USH2A: variants seen among roughly 807,000 people sequenced by gnomAD.
USH2A encodes the protein usherin, also known as Usher syndrome 2A (autosomal recessive, mild).
A neutral mutation model predicts 538.9 loss-of-function variants in USH2A; 443 were observed. That is an observed-to-expected ratio of 0.82 (90% confidence interval 0.76 to 0.89). The LOEUF (loss-of-function observed/expected upper bound fraction) is 0.89. USH2A is among the 40% of genes least tolerant of loss of function. The pLI, the probability that USH2A is intolerant of heterozygous loss-of-function variation, is 0.00. For missense variants in USH2A, 6,633 were observed against 6,324.8 expected (o/e 1.05, Z -1.65); for synonymous variants, 2,413 against 2,273.5 (o/e 1.06, Z -1.75).
intron 32 of USH2A, among the ~76,000 whole-genome samples, chr1:216,006,250 ACT>A (rs1172358549): frequency 2.0e-5 from 3 of 152,068 alleles, no homozygotes; most frequent in African/African-American, 7.2e-5. Context: ...TAAATCCTGC[ACT>A]CTCTGACCAC....
intron 42 of USH2A, 131 bp downstream of exon 42, chr1:215,878,633 T>C (rs1664832427): frequency 1.2e-6 from 1 of 855,418 alleles, no homozygotes; most frequent in Admixed American, 2.1e-5. Flanking sequence ...TGTATGAAAG[T>C]TATGAGTCAG....
chr1:215,761,142 G>T (rs1050268238), intron 56 of USH2A, among the ~76,000 whole-genome samples: 1 of 151,984 alleles, frequency 6.6e-6, no homozygotes, highest in Non-Finnish European at 1.5e-5. Flanking sequence ...TTTGAACTTC[G>T]GTTCCTTTGG....
chr1:216,397,908 C>T (rs1345242371), intron 3 of USH2A, among the ~76,000 whole-genome samples: 1 of 152,218 alleles, frequency 6.6e-6, no homozygotes, highest in Non-Finnish European at 1.5e-5. Context: ...CATTCCTTTT[C>T]ATACACACAC....
chr1:216,207,535 C>T (rs1235612073), intron 15 of USH2A, 104 bp from the exon 16 acceptor site: 9 of 1,407,422 alleles, frequency 6.4e-6, no homozygotes, highest in Middle Eastern at 2.2e-4. Context: ...TTCAGGATTG[C>T]TTTATCAAGA....
intron 38 of USH2A, among the ~76,000 whole-genome samples, chr1:215,929,547 G>GT (rs1438152261): frequency 2.0e-5 from 3 of 151,948 alleles, no homozygotes; most frequent in Admixed American, 2.0e-4. Context: ...TGAAAGACAG[G>GT]TTTTTTTACT....
chr1:215,959,931 A>C (rs2102449522), intron 37 of USH2A, among the ~76,000 whole-genome samples: 1 of 152,268 alleles, frequency 6.6e-6, no homozygotes, highest in South Asian at 2.1e-4. Flanking sequence ...AAGGATAATG[A>C]AGAATTAAAC....
chr1:215,626,399 G>T (rs2102622032), intron 71 of USH2A, among the ~76,000 whole-genome samples: 1 of 151,318 alleles, frequency 6.6e-6, no homozygotes, highest in African/African-American at 2.4e-5. Context: ...CCTGACCTCT[G>T]GTGATCTGTA....
intron 13 of USH2A, among the ~76,000 whole-genome samples, chr1:216,234,106 C>A (rs564489050): frequency 1.3e-5 from 2 of 152,262 alleles, no homozygotes; most frequent in African/African-American, 4.8e-5. Context: ...AAAAGTGAAT[C>A]TATTCTCTTA....
chr1:216,019,903 C>T (rs1044721192), intron 32 of USH2A, among the ~76,000 whole-genome samples: 1 of 152,154 alleles, frequency 6.6e-6, no homozygotes, highest in African/African-American at 2.4e-5. Flanking sequence ...TTGCAAAAAA[C>T]ACAATGCATC....
chr1:215,986,315 T>TC (rs992718183), intron 35 of USH2A, among the ~76,000 whole-genome samples: 4 of 102,688 alleles, frequency 3.9e-5, no homozygotes, highest in Admixed American at 8.9e-5. Context: ...TTTTTCTTTT[T>TC]TTTTTTTTTT....
At chr1:216,053,611 T>C (rs2030872432) in intron 30 of USH2A, among the ~76,000 whole-genome samples, 1 of 152,128 alleles carries the variant, frequency 6.6e-6, no homozygotes, top group African/African-American at 2.4e-5. Context: ...GAGGGCAAGC[T>C]GAAGAAACAT....
At chr1:216,024,568 T>G (rs1488916362) in intron 32 of USH2A, among the ~76,000 whole-genome samples, 1 of 152,048 alleles carries the variant, frequency 6.6e-6, no homozygotes, top group Non-Finnish European at 1.5e-5. Context: ...CCAGTATAGA[T>G]TTTTTCAACT....
intron 37 of USH2A, among the ~76,000 whole-genome samples, chr1:215,953,834 C>G (rs941196910): frequency 2.0e-5 from 3 of 151,758 alleles, no homozygotes; most frequent in African/African-American, 7.3e-5. Flanking sequence ...GGCTAATATC[C>G]AGAATCTACA....
At chr1:216,132,602 T>C (rs867562921) in intron 21 of USH2A, among the ~76,000 whole-genome samples, 6 of 152,118 alleles carry the variant, frequency 3.9e-5, no homozygotes, top group African/African-American at 1.4e-4. Flanking sequence ...TCAGATTGTA[T>C]TGTTAGAGCT....
Position 216,110,999 on chromosome 1 carries a change from G to T in USH2A, c.4628-13786C>A, listed in dbSNP as rs919179482. Among the ~76,000 whole-genome samples the T allele has an allele frequency of 5.3e-5, 8 of 152,300 alleles. No individual in the cohort carries two copies. In the East Asian group the frequency reaches 1.5e-3, roughly 29 times the overall value. ...CCAGCACTTTGGGAGGTCAAGGCAAGCGGATCACTTTAGGTCAGGAGTTTG... is the reference window on the plus strand; with the variant it reads ...CCAGCACTTTGGGAGGTCAAGGCAATCGGATCACTTTAGGTCAGGAGTTTG... On this transcript the variant is annotated intron_variant, in intron 21 of 71. Coordinates refer to ENST00000307340, the MANE Select transcript of USH2A (RefSeq NM_206933.4).
intron 44 of USH2A, among the ~76,000 whole-genome samples, chr1:215,862,920 G>A (rs1427121473): frequency 6.6e-6 from 1 of 152,090 alleles, no homozygotes; most frequent in Non-Finnish European, 1.5e-5. Flanking sequence ...TATTCATATG[G>A]CTGCATACAA....
At chr1:216,361,252 T>C (rs2038485949) in intron 4 of USH2A, among the ~76,000 whole-genome samples, 4 of 152,098 alleles carry the variant, frequency 2.6e-5, no homozygotes, top group African/African-American at 7.2e-5. Flanking sequence ...CCTCAAAAAA[T>C]CTATTCCAGA....
chr1:216,295,360 C>T (rs534538813), intron 9 of USH2A, among the ~76,000 whole-genome samples: 2 of 150,518 alleles, frequency 1.3e-5, no homozygotes, highest in African/African-American at 4.9e-5. Flanking sequence ...TAAATAAAGC[C>T]AAGTAAAAAA....
At chr1:215,905,924 A>G (rs1172757880) in intron 38 of USH2A, among the ~76,000 whole-genome samples, 1 of 152,136 alleles carries the variant, frequency 6.6e-6, no homozygotes, top group Non-Finnish European at 1.5e-5. Context: ...AGCCTGGCAC[A>G]TATTCAAAAT....
Sources: gnomAD v4.1 joint callset for allele counts (sites outside exome capture counted in the v4.1 genomes callset) on GRCh38, gnomAD v4.1.1 for gene constraint, MANE v1.5 for transcripts, NCBI Gene and HGNC (gene_info 2026-07-23, HGNC 2026-07-21) for gene names.